DAPK1: variants seen among roughly 807,000 people sequenced by gnomAD.
DAPK1 encodes death-associated protein kinase 1.
In DAPK1, 56 loss-of-function variants were observed where a neutral mutation model predicts 144.9. The ratio of observed to expected loss-of-function variants is 0.39; its 90% CI spans 0.31 to 0.48. DAPK1 has a LOEUF of 0.48. Ranked by LOEUF, DAPK1 falls within the 20% of genes least tolerant of loss-of-function variation. DAPK1 has a pLI of 0.95. For synonymous variants in DAPK1, 690 were observed against 749.0 expected (o/e 0.92, Z 1.29); for missense variants, 1,454 against 1,875.4 (o/e 0.78, Z 4.15).
chr9:87,527,727 T>G (rs1448280747), intron 2 of DAPK1, among the ~76,000 whole-genome samples: 5 of 152,250 alleles, frequency 3.3e-5, no homozygotes, highest in Admixed American at 2.6e-4. Flanking sequence ...ACACTGAGCT[T>G]CTTTCTGAAC....
At chr9:87,591,215 T>C (rs915392403) in intron 2 of DAPK1, among the ~76,000 whole-genome samples, 1 of 152,182 alleles carries the variant, frequency 6.6e-6, no homozygotes, top group African/African-American at 2.4e-5. Flanking sequence ...TTCAGATGAA[T>C]GTACAGGATC....
chr9:87,566,020 C>CTTTT (rs11354174), intron 2 of DAPK1, among the ~76,000 whole-genome samples: 1 of 120,640 alleles, frequency 8.3e-6, no homozygotes, highest in African/African-American at 3.2e-5. Flanking sequence ...TCTCAGCATT[C>CTTTT]TTTTTTTTTT....
chr9:87,572,348 T>C (rs1478430774), intron 2 of DAPK1, among the ~76,000 whole-genome samples: 1 of 152,210 alleles, frequency 6.6e-6, no homozygotes, highest in Non-Finnish European at 1.5e-5. Context: ...CTTGAAGTCG[T>C]GCCGTTATAG....
chr9:87,530,764 G>A (rs534816990), intron 2 of DAPK1, among the ~76,000 whole-genome samples: 3 of 152,272 alleles, frequency 2.0e-5, no homozygotes, highest in African/African-American at 7.2e-5. Flanking sequence ...GCCACATGAG[G>A]GATGCACAGA....
intron 2 of DAPK1, among the ~76,000 whole-genome samples, chr9:87,581,742 A>C (rs1037845905): frequency 6.6e-6 from 1 of 152,206 alleles, no homozygotes; most frequent in Admixed American, 6.5e-5. Context: ...CCAGGACTGG[A>C]CTGATTTGGA....
chr9:87,629,557 T>C (rs549670966), intron 3 of DAPK1, among the ~76,000 whole-genome samples: 1 of 152,322 alleles, frequency 6.6e-6, no homozygotes, highest in Non-Finnish European at 1.5e-5. Context: ...AAAAATTTTA[T>C]GTAGAGATGG....
chr9:87,594,821 C>T lies in DAPK1; in HGVS notation c.63-10133C>T, dbSNP rs116105212. Among the ~76,000 whole-genome samples the T allele has an allele frequency of 4.8e-3, 732 of 152,318 alleles. 8 individuals are homozygous for T. The highest frequency in any genetic ancestry group is 0.017 in the African/African-American group (710 of 41,576). On this transcript the variant is annotated intron_variant, in intron 2 of 25. Coordinates refer to ENST00000408954, the MANE Select transcript of DAPK1 (RefSeq NM_004938.4). ...CTGTGGCCTCTAGGCAGCCCTTTCA[C>T]CAGTAGCCAGAAGGAGGCAGAAGGA...
At chr9:87,661,839 T>A (rs140438037) in intron 18 of DAPK1, among the ~76,000 whole-genome samples, 1 of 152,322 alleles carries the variant, frequency 6.6e-6, no homozygotes, top group African/African-American at 2.4e-5. Flanking sequence ...TAAGTCCTGT[T>A]CGTCTATTTT....
At chr9:87,581,314 T>C (rs1827746038) in intron 2 of DAPK1, among the ~76,000 whole-genome samples, 2 of 152,134 alleles carry the variant, frequency 1.3e-5, no homozygotes, top group African/African-American at 4.8e-5. Context: ...TGGCTAGGCG[T>C]TACCCTTGAA....
rs1022083391 is a variant in DAPK1 at position 87,670,970 on chromosome 9, C to T, written c.2001+2296C>T. Among the ~76,000 whole-genome samples the T allele has an allele frequency of 3.3e-5, 5 of 152,080 alleles. No homozygotes were observed. In the South Asian group the frequency reaches 8.3e-4, roughly 25 times the overall value. On this transcript the variant is annotated intron_variant, in intron 19 of 25. Transcript: ENST00000408954. ...TTTGACTTAAAAGTAGCTTACTGTG[C>T]GAGATGCAAACCCACTGTTTGGACG...
At chr9:87,501,559 GA>G (rs143223074) in intron 2 of DAPK1, among the ~76,000 whole-genome samples, 4,219 of 151,076 alleles carry the variant, frequency 0.028, 196 homozygotes, top group African/African-American at 0.096. Flanking sequence ...AAAAAAGAAA[GA>G]AAAAAAAGAC....
chr9:87,640,486 G>A lies in DAPK1; in HGVS notation c.782+36G>A, dbSNP rs182107503. The A allele has an allele frequency of 1.4e-5, 22 of 1,604,012 alleles. No individual in the cohort carries two copies. The East Asian group carries it at 2.0e-4, about 15-fold the overall frequency. On this transcript the variant is annotated intron_variant, in intron 8 of 25. Coordinates refer to ENST00000408954, the MANE Select transcript of DAPK1 (RefSeq NM_004938.4). ...ACGTTCCTGAAAGGTGCTTGGCCACGGCCTCAGCCAGCCCAGAGCCTGTGT... is the reference window on the plus strand; with the variant it reads ...ACGTTCCTGAAAGGTGCTTGGCCACAGCCTCAGCCAGCCCAGAGCCTGTGT...
chr9:87,537,673 C>G (rs1172923095), intron 2 of DAPK1, among the ~76,000 whole-genome samples: 1 of 151,982 alleles, frequency 6.6e-6, no homozygotes, highest in Non-Finnish European at 1.5e-5. Flanking sequence ...AGTGTGTCTG[C>G]AGGAGCATTC....
intron 2 of DAPK1, among the ~76,000 whole-genome samples, chr9:87,587,150 C>T (rs1827965523): frequency 6.6e-6 from 1 of 152,216 alleles, no homozygotes; most frequent in Non-Finnish European, 1.5e-5. Flanking sequence ...GCAGATGGGG[C>T]CAGTCTGGAA....
chr9:87,639,090 T>G (rs1442452638), intron 4 of DAPK1, among the ~76,000 whole-genome samples: 2 of 152,140 alleles, frequency 1.3e-5, no homozygotes, highest in African/African-American at 4.8e-5. Flanking sequence ...AGCAGCTTCC[T>G]TCTGTTTCCT....
chr9:87,573,084 G>A (rs1016582903), intron 2 of DAPK1, among the ~76,000 whole-genome samples: 1 of 152,168 alleles, frequency 6.6e-6, no homozygotes, highest in African/African-American at 2.4e-5. Context: ...AAGGCCACAC[G>A]GACAGCACCC....
chr9:87,577,842 T>A (rs1827620022), intron 2 of DAPK1, among the ~76,000 whole-genome samples: 1 of 152,152 alleles, frequency 6.6e-6, no homozygotes, highest in Non-Finnish European at 1.5e-5. Context: ...GATTCCTGTG[T>A]GTAACCAGGA....
chr9:87,666,791 A>ATGG (rs1191435701), intron 18 of DAPK1, among the ~76,000 whole-genome samples: 5 of 152,096 alleles, frequency 3.3e-5, no homozygotes, highest in African/African-American at 9.7e-5. Context: ...AGTATTGTTG[A>ATGG]TGGTGGTTCT....
chr9:87,563,886 C>T (rs771720186), intron 2 of DAPK1, among the ~76,000 whole-genome samples: 2 of 152,178 alleles, frequency 1.3e-5, no homozygotes, highest in Non-Finnish European at 2.9e-5. Flanking sequence ...GTGGTGTGTT[C>T]GTGCCCAATG....
Sources: gnomAD v4.1 joint callset for allele counts (sites outside exome capture counted in the v4.1 genomes callset) on GRCh38, gnomAD v4.1.1 for gene constraint, MANE v1.5 for transcripts, NCBI Gene and HGNC (gene_info 2026-07-23, HGNC 2026-07-21) for gene names.